Variants in DHX34 observed in about 807,000 individuals in gnomAD.
DHX34 encodes the protein DExH-box helicase 34, also known as probable ATP-dependent RNA helicase DHX34.
A neutral mutation model predicts 111.1 loss-of-function variants in DHX34; 96 were observed. That is an observed-to-expected ratio of 0.86 (90% CI 0.73 to 1.02). DHX34 has a LOEUF of 1.02. Among genes scored for constraint, DHX34 ranks in the 50% least tolerant of loss-of-function variants. DHX34 has a pLI of 0.00. For missense variants in DHX34, 1,560 were observed against 1,579.9 expected, an observed-to-expected ratio of 0.99 and a Z score of 0.21; for synonymous variants, 688 against 670.4, an observed-to-expected ratio of 1.03 and a Z score of -0.41.
chr19:47,372,780 A>G lies in DHX34; in HGVS notation c.1819A>G (p.Thr607Ala). The G allele has an allele frequency of 6.2e-7, 1 of 1,612,654 alleles. No homozygotes were observed. The highest frequency in any genetic ancestry group is 1.1e-5 in the South Asian group (1 of 91,064). ...SMFSLVEPVLTIAAALSVQSP... is the reference protein window; with the variant it reads ...SMFSLVEPVLAIAAALSVQSP... ...GTTCAGCCTGGTGGAGCCTGTGCTC[A>G]CCATCGCAGCCGCACTTAGCGTCCA... The change falls in exon 8 of 17, where the codon ACC (threonine) becomes GCC (alanine). Residue 607 changes from threonine (T) to alanine (A), a missense_variant. Thr to Ala is a moderately conservative substitution (Grantham distance 58, BLOSUM62 0). Transcript: ENST00000328771.
At chr19:47,363,355 T>C (rs1405954530) in intron 6 of DHX34, among the ~76,000 whole-genome samples, 2 of 151,746 alleles carry the variant, frequency 1.3e-5, no homozygotes, top group Non-Finnish European at 2.9e-5. Context: ...CCTTCCAAAG[T>C]ACTGGGATTA....
chr19:47,359,001 C>A lies in DHX34; in HGVS notation c.1272+881C>A, dbSNP rs181173199. On this transcript the variant is annotated intron_variant, in intron 4 of 16. Coordinates refer to ENST00000328771, the MANE Select transcript of DHX34 (RefSeq NM_014681.6). ...TTTCAAACTCCTGAGCTCAAGCGAT[C>A]CTCCCCTAGTGGGGGCAGTGCCAGT... 1.2e-3 allele frequency among the ~76,000 whole-genome samples: 186 copies of A among 152,140 alleles called. 1 individual carries two copies. Among genetic ancestry groups the A allele is most frequent in the African/African-American group, 4.4e-3 (183 of 41,538 alleles).
At chr19:47,376,185 T>C in intron 11 of DHX34, 88 bp downstream of exon 11, 1 of 1,495,012 alleles carries the variant, frequency 6.7e-7, no homozygotes, top group African/African-American at 1.4e-5. Context: ...CAGTGGTGAC[T>C]GAAACAACCC....
At position 47,353,254 on chromosome 19, in the gene DHX34, C is replaced by T. The variant is rs1969343359; in HGVS notation, c.224C>T (p.Thr75Ile). 6.2e-7 allele frequency: 1 copy of T among 1,614,070 alleles called. No homozygotes were observed. The highest frequency in any genetic ancestry group is 1.7e-5 in the Admixed American group (1 of 59,990). ...CTGCAGAGATTCCAGAATCTCAAGA[C>T]CTCCAGGAAGGAGGAGAAAGACCCT... ...ERLQRFQNLK[T>I]SRKEEKDPGQ... The change falls in exon 2 of 17, where the codon ACC (threonine) becomes ATC (isoleucine). Residue 75 changes from threonine to isoleucine, a missense_variant. By Grantham distance (89) the Thr-to-Ile change is moderately conservative. Coordinates refer to ENST00000328771, the MANE Select transcript of DHX34 (RefSeq NM_014681.6). The surrounding 1 kb of genome is among the most constrained non-coding windows in gnomAD (Gnocchi z 4.6).
chr19:47,361,235 G>A (rs1969622736), intron 5 of DHX34, among the ~76,000 whole-genome samples: 2 of 151,488 alleles, frequency 1.3e-5, no homozygotes, highest in East Asian at 2.0e-4. Context: ...AGGCAGGCAG[G>A]TCACTTGAAG....
At chr19:47,374,328 T>C (rs984731987) in intron 9 of DHX34, among the ~76,000 whole-genome samples, 1 of 151,190 alleles carries the variant, frequency 6.6e-6, no homozygotes, top group African/African-American at 2.4e-5. Context: ...TCCCAGCTAC[T>C]TGGGAGGCTG....
In DHX34 at chr19:47,352,793, C is replaced by A; in HGVS notation, c.-238C>A. On this transcript the variant is annotated 5_prime_UTR_variant, in exon 2 of 17. Transcript: ENST00000328771. ...AAACCCAGAATGAACTTGTGTCCAT[C>A]CCAGAGATCACTGCAGATGTCATGA... The A allele has an allele frequency of 1.5e-6, 1 of 661,214 alleles. No individual in the cohort carries two copies. Among genetic ancestry groups the A allele is most frequent in the Non-Finnish European group, 2.4e-6 (1 of 420,796 alleles). 41.0% of individuals were successfully genotyped at this position (661,214 alleles called of 1,614,324 possible).
intron 1 of DHX34, among the ~76,000 whole-genome samples, chr19:47,350,168 A>G (rs1238930109): frequency 6.6e-6 from 1 of 152,160 alleles, no homozygotes; most frequent in Non-Finnish European, 1.5e-5. Context: ...GAGATAAAGT[A>G]TTAGATGGGG....
At position 47,353,374 on chromosome 19, in the gene DHX34, C is replaced by T. The variant is rs760482688; in HGVS notation, c.344C>T (p.Thr115Met). ...AACCTCTCTGTTCTTGGCCCTGCCA[C>T]GCGGGGCTCTCAGGGACTGGGCAGG... ...RINLSVLGPATRGSQGLGRHL... is the reference protein window; with the variant it reads ...RINLSVLGPAMRGSQGLGRHL... Residue 115 changes from threonine to methionine, a missense_variant, in exon 2 of 17, where the codon ACG (threonine) becomes ATG (methionine). Transcript: ENST00000328771. This position sits in a 1 kb window ranked among gnomAD's most constrained non-coding sequence, Gnocchi z 4.6. 1.8e-5 allele frequency: 29 copies of T among 1,614,084 alleles called. No individual in the cohort carries two copies. Among genetic ancestry groups the T allele is most frequent in the Non-Finnish European group, 2.5e-5 (29 of 1,180,064 alleles).
At chr19:47,368,266 A>AACC (rs1180092452) in intron 7 of DHX34, among the ~76,000 whole-genome samples, 1 of 89,850 alleles carries the variant, frequency 1.1e-5, no homozygotes, top group Non-Finnish European at 1.8e-5. Flanking sequence ...TGGGAGATGT[A>AACC]ACCAACAGTC....
chr19:47,362,610 T>C lies in DHX34; in HGVS notation c.1510T>C (p.Tyr504His), dbSNP rs1160276137. ...RTGPGVCFRL[Y>H]AESDYDAFAP... is the part of the protein sequence containing the mutation. ...GGGCCCCGGAGTCTGCTTCCGCCTC[T>C]ATGCCGAATCGGACTATGATGCCTT... The change falls in exon 6 of 17, where the codon TAT becomes CAT. Residue 504 changes from tyrosine (Y) to histidine (H), a missense_variant. Tyr to His is a moderately conservative substitution (Grantham distance 83, BLOSUM62 2). Coordinates refer to ENST00000328771, the MANE Select transcript of DHX34 (RefSeq NM_014681.6). 3 of 1,613,814 alleles carry C rather than the reference T, an allele frequency of 1.9e-6. No individual in the cohort carries two copies. Among genetic ancestry groups the C allele is most frequent in the African/African-American group, 2.7e-5 (2 of 74,918 alleles).
chr19:47,358,915 C>T (rs972395953), intron 4 of DHX34, among the ~76,000 whole-genome samples: 3 of 152,170 alleles, frequency 2.0e-5, no homozygotes, highest in African/African-American at 7.2e-5. Flanking sequence ...TGTGTCCGGC[C>T]TCCGTTAATT....
chr19:47,376,254 C>T lies in DHX34; in HGVS notation c.2481+157C>T, dbSNP rs116784614. On this transcript the variant is annotated intron_variant, in intron 11 of 16. Transcript: ENST00000328771. ...GGAGGACAGACCCATCCCCAGACAACCCAGAGTGGGCAGGGCTTGGGGAGT... is the reference window on the plus strand; with the variant it reads ...GGAGGACAGACCCATCCCCAGACAATCCAGAGTGGGCAGGGCTTGGGGAGT... 1.6e-3 allele frequency: 2,288 copies of T among 1,431,652 alleles called. 42 individuals carry two copies. The African/African-American group carries it at 0.028, about 18-fold the overall frequency. The allele number at this position is 1,431,652 out of a possible 1,614,324, so 88.7% of individuals were successfully genotyped here. A position where few individuals can be genotyped will look rare whatever the true frequency, so the allele number is the denominator to read the frequency against.
intron 7 of DHX34, among the ~76,000 whole-genome samples, chr19:47,369,943 A>G (rs1192296347): frequency 6.6e-6 from 1 of 152,074 alleles, no homozygotes; most frequent in Non-Finnish European, 1.5e-5. Context: ...TTCAGTAGCC[A>G]GTCACAAGCA....
chr19:47,381,088 C>T (rs1970340826), intron 15 of DHX34, 96 bp downstream of exon 15: 1 of 1,559,876 alleles, frequency 6.4e-7, no homozygotes, highest in Non-Finnish European at 8.7e-7. Flanking sequence ...CAAGTGGGGC[C>T]CGTGGCCCTG....
At position 47,352,894 on chromosome 19, in the gene DHX34, GA is replaced by G; in HGVS notation, c.-136del. 6.9e-7 allele frequency: 1 copy of G among 1,443,722 alleles called. No individual in the cohort carries two copies. Among genetic ancestry groups the G allele is most frequent in the Non-Finnish European group, 9.1e-7 (1 of 1,101,412 alleles). 89.4% of individuals were successfully genotyped at this position (1,443,722 alleles called of 1,614,324 possible). A position where few individuals can be genotyped will look rare whatever the true frequency, so the allele number is the denominator to read the frequency against. ...TGTGGTGGTCCTGTGCCGTGACCAG[GA>G]GGAAAAATTAGCTCTTTGAAGAGAA... On this transcript the variant is annotated 5_prime_UTR_variant, in exon 2 of 17. Coordinates refer to ENST00000328771, the MANE Select transcript of DHX34 (RefSeq NM_014681.6).
chr19:47,361,672 A>T (rs1372786241), intron 5 of DHX34, among the ~76,000 whole-genome samples: 1 of 151,996 alleles, frequency 6.6e-6, no homozygotes. Context: ...CCAGCTACTC[A>T]GGAGGCTGAG....
chr19:47,379,715 C>T lies in DHX34; in HGVS notation c.2712C>T (p.Leu904=). 6.3e-7 allele frequency: 1 copy of T among 1,596,410 alleles called. No homozygotes were observed. The highest frequency in any genetic ancestry group is 8.6e-7 in the Non-Finnish European group (1 of 1,165,754). ...NCVRIPALQS[L]LLFSRSLDTN... is the part of the protein sequence containing the mutation. Reference sequence around the variant, plus strand: ...TTCTGCCCCCTCTCTTTCAGTCCCTCCTGCTTTTTAGCCGGTCTTTGGACA... The same window carrying T: ...TTCTGCCCCCTCTCTTTCAGTCCCTTCTGCTTTTTAGCCGGTCTTTGGACA... The change falls in exon 14 of 17, where the codon CTC becomes CTT. Residue 904 remains leucine (L), a synonymous_variant. Transcript: ENST00000328771.
rs1292351399 is a variant in DHX34, at chr19:47,353,748, C to T, written c.705+13C>T. On this transcript the variant is annotated intron_variant, in intron 2 of 16. Transcript: ENST00000328771. The surrounding 1 kb of genome is among the most constrained non-coding windows in gnomAD (Gnocchi z 4.6). Reference sequence around the variant, plus strand: ...GTATGGCTCACAGGTGAGTGGGACGCACCAGGTTTCCGATTTTTCCAGCGT... The same window carrying T: ...GTATGGCTCACAGGTGAGTGGGACGTACCAGGTTTCCGATTTTTCCAGCGT... The T allele has an allele frequency of 8.4e-6, 13 of 1,539,152 alleles. No homozygotes were observed. Among genetic ancestry groups the T allele is most frequent in the Non-Finnish European group, 1.1e-5 (13 of 1,140,900 alleles).
Sources: gnomAD v4.1 joint callset for allele counts (sites outside exome capture counted in the v4.1 genomes callset) on GRCh38, gnomAD v4.1.1 for gene constraint, Gnocchi (gnomAD v3.1) non-coding constraint, MANE v1.5 for transcripts, NCBI Gene and HGNC (gene_info 2026-07-23, HGNC 2026-07-21) for gene names.